Variants in HSPG2 observed in about 807,000 individuals in gnomAD.
HSPG2 encodes the protein heparan sulfate proteoglycan 2.
In HSPG2, 278 loss-of-function variants were observed where a neutral mutation model predicts 526.6. The observed-to-expected ratio is 0.53, with a 90% CI of 0.48 to 0.58. HSPG2 has a LOEUF of 0.58. Ranked by LOEUF, HSPG2 falls within the 20% of genes least tolerant of loss-of-function variation. The probability of loss-of-function intolerance (pLI) is 0.00; values close to 1 mark genes in which losing one functional copy is unlikely to be tolerated. For missense variants in HSPG2, 5,354 were observed against 6,099.5 expected (o/e 0.88, Z 4.07); for synonymous variants, 2,465 against 2,555.4 (o/e 0.96, Z 1.07).
intron 37 of HSPG2, among the ~76,000 whole-genome samples, chr1:21,863,020 A>G (rs1639921805): frequency 1.5e-5 from 2 of 130,974 alleles, no homozygotes; most frequent in African/African-American, 2.9e-5. Context: ...AGATTGTGCC[A>G]TTGCACTCCA....
intron 1 of HSPG2, among the ~76,000 whole-genome samples, chr1:21,928,046 T>A (rs1644251819): frequency 6.6e-6 from 1 of 152,218 alleles, no homozygotes; most frequent in Admixed American, 6.5e-5. Context: ...GCAAGGTGCA[T>A]CCACCTGGTT....
At chr1:21,843,156 T>A (rs1248571252) in intron 66 of HSPG2, 141 bp downstream of exon 66, 1 of 1,272,886 alleles carries the variant, frequency 7.9e-7, no homozygotes, top group African/African-American at 1.5e-5. Flanking sequence ...TGGGAACACC[T>A]GGGTTGGCTT....
chr1:21,834,782 G>A lies in HSPG2; in HGVS notation c.10617C>T (p.Val3539=), dbSNP rs2229492. ...LRPGIVQSGG[V]VRIAHVELAD... ...CCAGCTCTACGTGGGCGATCCTGAC[G>A]ACACCTCCGCTCTGCACAATGCCTG... The change falls in exon 77 of 97, where the codon GTC becomes GTT. Residue 3539 remains valine, a synonymous_variant. Transcript: ENST00000374695. 281,387 of 1,613,998 alleles carry A rather than the reference G, an allele frequency of 0.17. 26,090 individuals carry two copies. Among genetic ancestry groups the A allele is most frequent in the South Asian group, 0.27 (24,319 of 91,082 alleles).
Position 21,839,913 on chromosome 1 carries a change from G to GGCGCCCGTGTGC in HSPG2, c.9617_9618insGCACACGGGCGC (p.Ala3206_Met3207insHisThrGlyAla). 6.2e-7 allele frequency: 1 copy of GGCGCCCGTGTGC among 1,614,168 alleles called. No homozygotes were observed. The highest frequency in any genetic ancestry group is 2.2e-5 in the East Asian group (1 of 44,872). ...GGACCTGAGGGGCCCCTGGGGCCAT[G>GGCGCCCGTGTGC]GCGCCCGTGTCCACGATCACCTCCA... is the stretch of plus-strand genomic sequence containing the variant. On this transcript the variant is annotated inframe_insertion, in exon 72 of 97. Coordinates refer to ENST00000374695, the MANE Select transcript of HSPG2 (RefSeq NM_005529.7). This position sits in a 1 kb window ranked among gnomAD's most constrained non-coding sequence, Gnocchi z 4.5.
intron 91 of HSPG2, among the ~76,000 whole-genome samples, chr1:21,826,208 C>CAAA: frequency 6.6e-6 from 1 of 152,046 alleles, no homozygotes; most frequent in African/African-American, 2.4e-5. Context: ...CAGCTGGGAC[C>CAAA]ATAGCCATGT....
rs931676393 is a variant in HSPG2, at chr1:21,881,332, C to T, written c.1818+7G>A. 1 of 1,610,392 alleles carries T rather than the reference C, an allele frequency of 6.2e-7. No individual in the cohort carries two copies. The highest frequency in any genetic ancestry group is 1.1e-5 in the South Asian group (1 of 90,756). ...CCCCACCCAGGGTGGCAGCCCAGGC[C>T]CCTCACCTTGTTGCCCAGGAACTGT... On this transcript the variant is annotated splice_region_variant and intron_variant, in intron 14 of 96. Transcript: ENST00000374695.
At chr1:21,868,091 T>C (rs904088700) in intron 33 of HSPG2, among the ~76,000 whole-genome samples, 2 of 150,574 alleles carry the variant, frequency 1.3e-5, no homozygotes, top group South Asian at 2.1e-4. Flanking sequence ...CAGGCTGGAG[T>C]GAAGTGGCAT....
intron 3 of HSPG2, among the ~76,000 whole-genome samples, chr1:21,892,099 C>T (rs761775700): frequency 2.0e-4 from 30 of 152,356 alleles, no homozygotes; most frequent in Non-Finnish European, 3.2e-4. Flanking sequence ...ATCCTCCTCC[C>T]GCTTTACTCT....
chr1:21,918,861 C>T (rs1356577944), intron 1 of HSPG2, among the ~76,000 whole-genome samples: 1 of 152,226 alleles, frequency 6.6e-6, no homozygotes, highest in African/African-American at 2.4e-5. Flanking sequence ...TAGACCGTCT[C>T]AGTCCCAGAT....
intron 1 of HSPG2, among the ~76,000 whole-genome samples, chr1:21,909,065 G>A (rs972917451): frequency 2.6e-5 from 4 of 152,150 alleles, no homozygotes; most frequent in African/African-American, 4.8e-5. Flanking sequence ...CCAAGATGGC[G>A]CCATTGCACT....
At chr1:21,907,649 C>T (rs991452137) in intron 1 of HSPG2, among the ~76,000 whole-genome samples, 7 of 152,158 alleles carry the variant, frequency 4.6e-5, no homozygotes, top group Non-Finnish European at 7.3e-5. Flanking sequence ...TTCCAAGTAG[C>T]TGGGAGTATA....
At chr1:21,888,760 C>A in intron 6 of HSPG2, 2 of 1,338,088 alleles carry the variant, frequency 1.5e-6, no homozygotes, top group Non-Finnish European at 2.0e-6. Flanking sequence ...CACCTGGGAG[C>A]CGGGAGCTGA....
At position 21,831,215 on chromosome 1, in the gene HSPG2, C is replaced by A; in HGVS notation, c.11562G>T (p.Gln3854His). The A allele has an allele frequency of 6.2e-7, 1 of 1,613,694 alleles. No individual in the cohort carries two copies. The highest frequency in any genetic ancestry group is 8.5e-7 in the Non-Finnish European group (1 of 1,179,672). The change falls in exon 84 of 97, where the codon CAG becomes CAT. Residue 3854 changes from glutamine to histidine, a missense_variant and splice_region_variant. Transcript: ENST00000374695. The stretch of plus-strand genomic sequence containing the variant: ...GGTGGTGTGTGGGGTGTGGGGTCAC[C>A]TGGCAGGGCCGGTCCCGACAGGTGG... ...HCPTCRDRPC[Q>H]NGGQCHDSES...
intron 13 of HSPG2, among the ~76,000 whole-genome samples, chr1:21,882,250 C>A (rs1641573063): frequency 6.6e-6 from 1 of 152,164 alleles, no homozygotes; most frequent in Non-Finnish European, 1.5e-5. Flanking sequence ...TAAGCCTGGG[C>A]AAGGGCCTCA....
Position 21,828,767 on chromosome 1 carries a change from G to A in HSPG2, c.12237+68C>T. 6.5e-7 allele frequency: 1 copy of A among 1,547,300 alleles called. No individual in the cohort carries two copies. Among genetic ancestry groups the A allele is most frequent in the Non-Finnish European group, 8.7e-7 (1 of 1,146,050 alleles). On this transcript the variant is annotated intron_variant, in intron 88 of 96. Coordinates refer to ENST00000374695, the MANE Select transcript of HSPG2 (RefSeq NM_005529.7). The surrounding 1 kb of genome is among the most constrained non-coding windows in gnomAD (Gnocchi z 6.0). ...GAGGGGCCCAATGCCAAGGTGCTTGGAGAGCCGAGGGGGACACAAGGCTTG... is the reference window on the plus strand; with the variant it reads ...GAGGGGCCCAATGCCAAGGTGCTTGAAGAGCCGAGGGGGACACAAGGCTTG...
rs368430800 is a variant in HSPG2 at position 21,890,527 on chromosome 1, C to T, written c.355-42G>A. 1.2e-6 allele frequency: 2 copies of T among 1,611,830 alleles called. No homozygotes were observed. The highest frequency in any genetic ancestry group is 2.7e-5 in the African/African-American group (2 of 74,974). On this transcript the variant is annotated intron_variant, in intron 4 of 96. Coordinates refer to ENST00000374695, the MANE Select transcript of HSPG2 (RefSeq NM_005529.7). The surrounding 1 kb of genome is among the most constrained non-coding windows in gnomAD (Gnocchi z 4.1). ...TGCCATCAGCCCCAGAGGCCTTCAC[C>T]CCATCCTCGGTCCTGCCCCGCCACA...
In HSPG2 at chr1:21,851,932, C is replaced by A; in HGVS notation, c.6871-6G>T. 2.5e-6 allele frequency: 4 copies of A among 1,601,206 alleles called. No homozygotes were observed. The highest frequency in any genetic ancestry group is 2.6e-6 in the Non-Finnish European group (3 of 1,174,308). On this transcript the variant is annotated splice_polypyrimidine_tract_variant and splice_region_variant and intron_variant, in intron 53 of 96. Coordinates refer to ENST00000374695, the MANE Select transcript of HSPG2 (RefSeq NM_005529.7). Reference sequence around the variant, plus strand: ...TACAGGCGGGAGCCACGAACCTGGGCAGCCGTGGGCAGAGGTGTGAGGGGG... The same window carrying A: ...TACAGGCGGGAGCCACGAACCTGGGAAGCCGTGGGCAGAGGTGTGAGGGGG...
At position 21,927,110 on chromosome 1, in the gene HSPG2, C is replaced by T. The variant is rs532756231; in HGVS notation, c.63+10045G>A. ...GGCAGCTGGGAATCCCAGCCCCACC[C>T]GTGGAGAAGCATCTGTGGAGTGACC... is the stretch of plus-strand genomic sequence containing the variant. On this transcript the variant is annotated intron_variant, in intron 1 of 96. Coordinates refer to ENST00000374695, the MANE Select transcript of HSPG2 (RefSeq NM_005529.7). Among the ~76,000 whole-genome samples, 8 of 152,260 alleles carry T rather than the reference C, an allele frequency of 5.3e-5. No individual in the cohort carries two copies. The East Asian group carries it at 5.8e-4, about 11-fold the overall frequency.
rs958039006 is a variant in HSPG2 at position 21,829,182 on chromosome 1, C to A, written c.11993-103G>T. 40 of 1,465,092 alleles carry A rather than the reference C, an allele frequency of 2.7e-5. 1 individual carries two copies. In the African/African-American group the frequency reaches 4.8e-4, roughly 17 times the overall value. 90.8% of individuals were successfully genotyped at this position (1,465,092 alleles called of 1,614,324 possible). ...TGAGCAGATGGGGAATGCCCTACAG[C>A]CTTCTGTATTCCAGATGAGGAGCCC... is the stretch of plus-strand genomic sequence containing the variant. On this transcript the variant is annotated intron_variant, in intron 87 of 96. Transcript: ENST00000374695.
Sources: allele counts gnomAD v4.1 joint callset (sites outside exome capture counted in the v4.1 genomes callset), GRCh38; gene constraint gnomAD v4.1.1; non-coding constraint Gnocchi (gnomAD v3.1); transcripts MANE v1.5; gene names NCBI Gene and HGNC (gene_info 2026-07-23, HGNC 2026-07-21).